Variants in FIGN observed in about 807,000 individuals in gnomAD.
FIGN encodes fidgetin, microtubule severing factor, also known as fidgetin.
In FIGN, 11 loss-of-function variants were observed where a neutral mutation model predicts 51.3. The observed-to-expected ratio is 0.21, with a 90% CI of 0.13 to 0.35. The LOEUF (loss-of-function observed/expected upper bound fraction) is 0.35. FIGN is among the 10% of genes least tolerant of loss of function. The probability of loss-of-function intolerance (pLI) is 1.00; values close to 1 mark genes in which losing one functional copy is unlikely to be tolerated. For synonymous variants in FIGN, 407 were observed against 363.2 expected (o/e 1.12, Z -1.37); for missense variants, 857 against 943.6 (o/e 0.91, Z 1.20).
chr2:163,626,730 A>G (rs532264137), intron 2 of FIGN, among the ~76,000 whole-genome samples: 2 of 152,240 alleles, frequency 1.3e-5, no homozygotes, highest in South Asian at 4.1e-4. Context: ...AGGCATTCTT[A>G]GTCACAAGAT....
intron 2 of FIGN, among the ~76,000 whole-genome samples, chr2:163,649,654 A>G (rs1483257869): frequency 6.6e-6 from 1 of 152,194 alleles, no homozygotes; most frequent in Non-Finnish European, 1.5e-5. Flanking sequence ...GCTCATGTGC[A>G]CCTAGTCAAG....
chr2:163,724,507 T>A (rs1684809579), intron 2 of FIGN, among the ~76,000 whole-genome samples: 1 of 138,248 alleles, frequency 7.2e-6, no homozygotes, highest in African/African-American at 3.2e-5. Context: ...CAAAAGTTTT[T>A]TTATTATTTA....
chr2:163,735,637 T>A (rs1012248639), intron 1 of FIGN, among the ~76,000 whole-genome samples: 35 of 152,340 alleles, frequency 2.3e-4, no homozygotes, highest in African/African-American at 8.4e-4. Context: ...ATATGCATTA[T>A]AATGTTTCAG....
At position 163,675,504 on chromosome 2, in the gene FIGN, G is replaced by A. The variant is rs535552619; in HGVS notation, c.25+59399C>T. Among the ~76,000 whole-genome samples the A allele has an allele frequency of 1.1e-3, 175 of 152,246 alleles. 1 individual carries two copies. The highest frequency in any genetic ancestry group is 4.0e-3 in the African/African-American group (165 of 41,550). On this transcript the variant is annotated intron_variant, in intron 2 of 2. Coordinates refer to ENST00000333129, the MANE Select transcript of FIGN (RefSeq NM_018086.4). Reference sequence around the variant, plus strand: ...AGAGATCTACTGAATCAGAAATTCTGGGTTGTAGCCCAACAATCTGTACTT... The same window carrying A: ...AGAGATCTACTGAATCAGAAATTCTAGGTTGTAGCCCAACAATCTGTACTT...
chr2:163,681,362 C>T (rs972564306), intron 2 of FIGN, among the ~76,000 whole-genome samples: 3 of 152,108 alleles, frequency 2.0e-5, no homozygotes, highest in Admixed American at 6.5e-5. Context: ...AATGACACCA[C>T]AACTTTTCTC....
chr2:163,729,679 A>G (rs1684895412), intron 2 of FIGN, among the ~76,000 whole-genome samples: 1 of 152,200 alleles, frequency 6.6e-6, no homozygotes, highest in South Asian at 2.1e-4. Flanking sequence ...CATGCATTCT[A>G]CTTTCAAGAT....
At position 163,611,501 on chromosome 2, in the gene FIGN, G is replaced by T; in HGVS notation, c.331C>A (p.Pro111Thr). The change falls in exon 3 of 3, where the codon CCT becomes ACT. Residue 111 changes from proline to threonine, a missense_variant. Pro to Thr is a conservative substitution (Grantham distance 38). This residue lies in a region of FIGN where 799 missense variants were observed against 849.5 expected (regional missense o/e 0.94). Coordinates refer to ENST00000333129, the MANE Select transcript of FIGN (RefSeq NM_018086.4). ...GRKNESEPWQ[P>T]SLNSEAVYPM... is the part of the protein sequence containing the mutation. ...TAAACAGCTTCTGAATTCAAGGAAG[G>T]CTGCCAGGGTTCACTTTCATTTTTC... is the stretch of plus-strand genomic sequence containing the variant. The T allele has an allele frequency of 6.2e-7, 1 of 1,614,184 alleles. No individual in the cohort carries two copies. The highest frequency in any genetic ancestry group is 8.5e-7 in the Non-Finnish European group (1 of 1,180,024).
chr2:163,708,455 G>A (rs1684535459), intron 2 of FIGN, among the ~76,000 whole-genome samples: 2 of 152,262 alleles, frequency 1.3e-5, no homozygotes, highest in Non-Finnish European at 2.9e-5. Flanking sequence ...GTATAATGTG[G>A]ACAAAGGTGA....
chr2:163,717,676 T>C (rs1209036229), intron 2 of FIGN, among the ~76,000 whole-genome samples: 1 of 152,160 alleles, frequency 6.6e-6, no homozygotes, highest in Non-Finnish European at 1.5e-5. Context: ...TCATTTCTAT[T>C]CGCTTTGTGC....
chr2:163,707,338 GA>G (rs1684516447), intron 2 of FIGN, among the ~76,000 whole-genome samples: 3 of 133,918 alleles, frequency 2.2e-5, no homozygotes, highest in Admixed American at 1.6e-4. Flanking sequence ...CCTAGCGACA[GA>G]ATGAGACTCT....
At chr2:163,647,426 A>T (rs1158333742) in intron 2 of FIGN, among the ~76,000 whole-genome samples, 1 of 152,190 alleles carries the variant, frequency 6.6e-6, no homozygotes, top group Admixed American at 6.5e-5. Flanking sequence ...TGACAAAAGC[A>T]GGGGAAAATA....
chr2:163,718,445 C>T (rs758289549), intron 2 of FIGN, among the ~76,000 whole-genome samples: 2 of 152,186 alleles, frequency 1.3e-5, no homozygotes, highest in Non-Finnish European at 2.9e-5. Flanking sequence ...GTAACAGAGA[C>T]TGACAAATGT....
intron 2 of FIGN, among the ~76,000 whole-genome samples, chr2:163,639,698 T>TAAC (rs1252818233): frequency 6.6e-6 from 1 of 152,120 alleles, no homozygotes; most frequent in African/African-American, 2.4e-5. Flanking sequence ...GTTACATCAT[T>TAAC]AACAACAACA....
intron 2 of FIGN, among the ~76,000 whole-genome samples, chr2:163,710,364 C>T (rs1218572331): frequency 6.6e-6 from 1 of 152,190 alleles, no homozygotes; most frequent in Non-Finnish European, 1.5e-5. Context: ...TAGGCAACTG[C>T]TAGTCTATCC....
rs765780931 is a variant in FIGN, at chr2:163,611,734, C to T, written c.98G>A (p.Arg33Gln). 3.1e-6 allele frequency: 5 copies of T among 1,614,064 alleles called. No individual in the cohort carries two copies. Among genetic ancestry groups the T allele is most frequent in the Non-Finnish European group, 4.2e-6 (5 of 1,179,978 alleles). The change falls in exon 3 of 3, where the codon CGG (arginine) becomes CAG (glutamine). Residue 33 changes from arginine to glutamine, a missense_variant. Physicochemically the swap from Arg to Gln is conservative, Grantham distance 43 (BLOSUM62 1). Around this residue, in one of 3 missense-constraint regions of FIGN, gnomAD observed 56 missense variants for 75.3 expected, o/e 0.74. Coordinates refer to ENST00000333129, the MANE Select transcript of FIGN (RefSeq NM_018086.4). ...GGCTTCAACTTTGTGGGCAGGAGAC[C>T]GAGTGGTTGAGGTGATGTCAAAGTG... ...EQHFDITSTTRSPAHKVEAYR... is the reference protein window; with the variant it reads ...EQHFDITSTTQSPAHKVEAYR...
chr2:163,664,601 T>C (rs1045115230), intron 2 of FIGN, among the ~76,000 whole-genome samples: 7 of 152,184 alleles, frequency 4.6e-5, no homozygotes, highest in African/African-American at 1.7e-4. Context: ...CTTTTCCTGT[T>C]CTCCTATATT....
intron 2 of FIGN, among the ~76,000 whole-genome samples, chr2:163,712,945 C>T (rs1684610635): frequency 6.6e-6 from 1 of 152,018 alleles, no homozygotes; most frequent in South Asian, 2.1e-4. Context: ...GAAATAGTGC[C>T]CATTTTCACC....
Position 163,619,434 on chromosome 2 carries a change from G to A in FIGN, c.26-7628C>T, listed in dbSNP as rs542057057. On this transcript the variant is annotated intron_variant, in intron 2 of 2. Coordinates refer to ENST00000333129, the MANE Select transcript of FIGN (RefSeq NM_018086.4). ...CTAGGATGGTATTAATATATACTCT[G>A]TGTTTAAACTAAACTTGTAGGTAGC... Among the ~76,000 whole-genome samples, 64 of 152,190 alleles carry A rather than the reference G, an allele frequency of 4.2e-4. 1 individual carries two copies. The Middle Eastern group carries it at 0.014, about 32-fold the overall frequency.
intron 2 of FIGN, among the ~76,000 whole-genome samples, chr2:163,688,556 G>A (rs1328350297): frequency 2.6e-5 from 4 of 152,102 alleles, no homozygotes; most frequent in Non-Finnish European, 5.9e-5. Flanking sequence ...AAAAGAAATC[G>A]CTGTTTAGAT....
Sources: allele counts gnomAD v4.1 joint callset (sites outside exome capture counted in the v4.1 genomes callset), GRCh38; gene constraint gnomAD v4.1.1; regional missense constraint gnomAD v4.1.1; transcripts MANE v1.5; gene names NCBI Gene and HGNC (gene_info 2026-07-23, HGNC 2026-07-21).